Variants in MPZL2 observed in about 807,000 individuals in gnomAD.
MPZL2 encodes myelin protein zero-like protein 2.
MPZL2 carries 32 observed loss-of-function variants against 24.5 expected under a neutral mutation model. The ratio of observed to expected loss-of-function variants is 1.31; its 90% CI spans 0.99 to 1.76. The LOEUF is 1.76. MPZL2 is among the 40% of genes most tolerant of loss of function. The pLI, the probability that MPZL2 is intolerant of heterozygous loss-of-function variation, is 0.00. For synonymous variants in MPZL2, 92 were observed against 97.9 expected, an observed-to-expected ratio of 0.94 and a Z score of 0.36; for missense variants, 304 against 274.9, an observed-to-expected ratio of 1.11 and a Z score of -0.75.
intron 4 of MPZL2, 174 bp from the exon 5 acceptor site, chr11:118,257,487 T>A (rs1162243333): frequency 3.8e-6 from 2 of 531,882 alleles, no homozygotes; most frequent in Non-Finnish European, 6.7e-6. Flanking sequence ...TTAATAATAT[T>A]CACACCTCTG....
Position 118,264,077 on chromosome 11 carries a change from G to A in MPZL2, c.58+19C>T. Reference sequence around the variant, plus strand: ...AGCAGTGAAGGAGGAAACTCTGAGAGAAGCCCGCCGGCTCTTACCTGTGAG... The same window carrying A: ...AGCAGTGAAGGAGGAAACTCTGAGAAAAGCCCGCCGGCTCTTACCTGTGAG... On this transcript the variant is annotated intron_variant, in intron 1 of 5. Transcript: ENST00000278937. 6.2e-7 allele frequency: 1 copy of A among 1,612,844 alleles called. No individual in the cohort carries two copies. Among genetic ancestry groups the A allele is most frequent in the East Asian group, 2.2e-5 (1 of 44,866 alleles).
rs1295771903 is a variant in MPZL2, at chr11:118,260,169, C to T, written c.469G>A (p.Ala157Thr). 6.2e-7 allele frequency: 1 copy of T among 1,613,792 alleles called. No homozygotes were observed. Among genetic ancestry groups the T allele is most frequent in the African/African-American group, 1.3e-5 (1 of 74,868 alleles). Residue 157 changes from alanine to threonine, a missense_variant, in exon 4 of 6, where the codon GCC (alanine) becomes ACC (threonine). Physicochemically the swap from Ala to Thr is moderately conservative, Grantham distance 58. Transcript: ENST00000278937. Reference protein sequence around the residue: ...RFSEIHFLALAIGSACALMII... With the variant: ...RFSEIHFLALTIGSACALMII... The stretch of plus-strand genomic sequence containing the variant: ...ATCAGTGCACAGGCAGAGCCAATGG[C>T]CAGAGCCAGGAAGTGGATCTCAGAG...
At chr11:118,263,288 C>G in intron 1 of MPZL2, 191 bp from the exon 2 acceptor site, 1 of 563,808 alleles carries the variant, frequency 1.8e-6, no homozygotes, top group South Asian at 2.4e-5. Flanking sequence ...CCTCCCATTC[C>G]ATGTGACAAC....
In MPZL2 at chr11:118,262,526, G is replaced by A. The variant is rs374615940; in HGVS notation, c.348C>T (p.Asp116=). Residue 116 remains aspartate, a synonymous_variant, in exon 3 of 6, where the codon GAC becomes GAT. Transcript: ENST00000278937. ...ASILLWKLQF[D]DNGTYTCQVK... ...CCTGGCAGGTGTATGTCCCATTGTC[G>A]TCGAACTGCAGTTTCCAGAGAAGGA... is the stretch of plus-strand genomic sequence containing the variant. 5.7e-5 allele frequency: 92 copies of A among 1,613,984 alleles called. No homozygotes were observed. The highest frequency in any genetic ancestry group is 7.0e-5 in the Non-Finnish European group (83 of 1,180,034).
chr11:118,258,071 C>G (rs1417902658), intron 4 of MPZL2, among the ~76,000 whole-genome samples: 1 of 151,732 alleles, frequency 6.6e-6, no homozygotes, highest in Non-Finnish European at 1.5e-5. Flanking sequence ...ATAAATGGTG[C>G]TGGAACAACT....
At position 118,264,191 on chromosome 11, in the gene MPZL2, G is replaced by A; in HGVS notation, c.-38C>T. 1 of 1,606,752 alleles carries A rather than the reference G, an allele frequency of 6.2e-7. No individual in the cohort carries two copies. Among genetic ancestry groups the A allele is most frequent in the Non-Finnish European group, 8.5e-7 (1 of 1,173,666 alleles). On this transcript the variant is annotated 5_prime_UTR_variant, in exon 1 of 6. Coordinates refer to ENST00000278937, the MANE Select transcript of MPZL2 (RefSeq NM_005797.4). ...GCCTTGGCCCCAGAGACCGGACGGG[G>A]CAGACCGAGGGCTCCAACACCCTGC...
intron 4 of MPZL2, chr11:118,259,829 C>T (rs1010078609): frequency 2.5e-5 from 11 of 447,302 alleles, no homozygotes; most frequent in Non-Finnish European, 4.2e-5. Context: ...AAATCAACCC[C>T]CCCACATAGT....
rs375955363 is a variant in MPZL2, at chr11:118,259,780, G to A, written c.584+274C>T. ...AATGTATGCTTCACTTTAAACATAA[G>A]GGATTTTTTAGAAAAGCTTTACATA... On this transcript the variant is annotated intron_variant, in intron 4 of 5. Coordinates refer to ENST00000278937, the MANE Select transcript of MPZL2 (RefSeq NM_005797.4). The A allele has an allele frequency of 1.4e-3, 399 of 283,096 alleles. 2 individuals are homozygous for A. The highest frequency in any genetic ancestry group is 4.5e-3 in the South Asian group (66 of 14,738). 17.5% of individuals were successfully genotyped at this position (283,096 alleles called of 1,614,324 possible).
chr11:118,257,408 T>C (rs1949668633), intron 4 of MPZL2, 95 bp from the exon 5 acceptor site: 2 of 1,024,734 alleles, frequency 2.0e-6, no homozygotes, highest in Admixed American at 2.1e-5. Context: ...TTCCCCCATA[T>C]TTTTGGAAGA....
chr11:118,258,982 C>T (rs1259027057), intron 4 of MPZL2, among the ~76,000 whole-genome samples: 1 of 138,014 alleles, frequency 7.2e-6, no homozygotes, highest in Non-Finnish European at 1.5e-5. Context: ...TATATAGCAA[C>T]ACAAGAATGG....
rs867651118 is a variant in MPZL2, at chr11:118,256,520, C to T, written c.*12+718G>A. Among the ~76,000 whole-genome samples, 10 of 152,006 alleles carry T rather than the reference C, an allele frequency of 6.6e-5. No individual in the cohort carries two copies. The East Asian group carries it at 1.4e-3, about 21-fold the overall frequency. ...CAAAAATTAGCTGGGTGTAGTGGCG[C>T]GCACCTGTGGTCCCAGCTACTTGGG... On this transcript the variant is annotated intron_variant, in intron 5 of 5. Coordinates refer to ENST00000278937, the MANE Select transcript of MPZL2 (RefSeq NM_005797.4).
chr11:118,260,394 A>G (rs936721723), intron 3 of MPZL2, among the ~76,000 whole-genome samples, 193 bp from the exon 4 acceptor site: 1 of 152,236 alleles, frequency 6.6e-6, no homozygotes, highest in Non-Finnish European at 1.5e-5. Context: ...ATGGTTCTCA[A>G]AGTGTGGTCT....
intron 4 of MPZL2, chr11:118,259,495 C>CG (rs1949684543): frequency 6.6e-6 from 1 of 151,956 alleles, no homozygotes; most frequent in Non-Finnish European, 1.5e-5. Context: ...GAGTAGTTGT[C>CG]GGGGGCTGGT....
Position 118,257,292 on chromosome 11 carries a change from G to A in MPZL2, c.606C>T (p.Asn202=), listed in dbSNP as rs779025334. 1.2e-6 allele frequency: 2 copies of A among 1,611,230 alleles called. No individual in the cohort carries two copies. The highest frequency in any genetic ancestry group is 1.7e-6 in the Non-Finnish European group (2 of 1,178,626). Residue 202 remains asparagine, a synonymous_variant, in exon 5 of 6, where the codon AAC becomes AAT. Coordinates refer to ENST00000278937, the MANE Select transcript of MPZL2 (RefSeq NM_005797.4). ...EIKSKEEERL[N]QEKKVSVYLE... The stretch of plus-strand genomic sequence containing the variant: ...AATAAACAGAGACCTTTTTCTCTTG[G>A]TTGAGCCTTTCCTCTTCTTTTCTGT...
chr11:118,256,395 T>A (rs1949660135), intron 5 of MPZL2, among the ~76,000 whole-genome samples: 1 of 152,246 alleles, frequency 6.6e-6, no homozygotes, highest in Admixed American at 6.5e-5. Context: ...GGCTTATGCC[T>A]GTAATCCCAA....
intron 4 of MPZL2, 128 bp downstream of exon 4, chr11:118,259,926 A>G (rs985487745): frequency 9.2e-6 from 10 of 1,088,962 alleles, no homozygotes; most frequent in Middle Eastern, 2.2e-4. Flanking sequence ...TGTCCTGCAA[A>G]TGTGAATTCT....
chr11:118,261,072 T>C lies in MPZL2; in HGVS notation c.437-871A>G, dbSNP rs560254910. 5.9e-5 allele frequency among the ~76,000 whole-genome samples: 9 copies of C among 152,344 alleles called. No homozygotes were observed. The East Asian group carries it at 1.5e-3, about 26-fold the overall frequency. ...TGGGAAGCAGGGCCATGGCTTTTATTTGATTCTCAAAGAATAATTATCCAC... is the reference window on the plus strand; with the variant it reads ...TGGGAAGCAGGGCCATGGCTTTTATCTGATTCTCAAAGAATAATTATCCAC... On this transcript the variant is annotated intron_variant, in intron 3 of 5. Transcript: ENST00000278937.
At chr11:118,257,126 C>T in intron 5 of MPZL2, 112 bp downstream of exon 5, 1 of 695,754 alleles carries the variant, frequency 1.4e-6, no homozygotes, top group Non-Finnish European at 2.3e-6. Flanking sequence ...CCTCTAATTT[C>T]ATATGGGAAA....
intron 4 of MPZL2, chr11:118,259,830 C>CG (rs1333424987): frequency 2.0e-5 from 9 of 451,408 alleles, no homozygotes; most frequent in Non-Finnish European, 7.6e-6. Context: ...AATCAACCCC[C>CG]CCACATAGTA....
Sources: gnomAD v4.1 joint callset for allele counts (sites outside exome capture counted in the v4.1 genomes callset) on GRCh38, gnomAD v4.1.1 for gene constraint, MANE v1.5 for transcripts, NCBI Gene and HGNC (gene_info 2026-07-23, HGNC 2026-07-21) for gene names.